Variants in FMN1 observed in about 807,000 individuals in gnomAD.
The protein encoded by FMN1 is formin 1.
A neutral mutation model predicts 132.4 loss-of-function variants in FMN1; 110 were observed. That is an observed-to-expected ratio of 0.83 (90% CI 0.71 to 0.97). FMN1 has a LOEUF of 0.97. Ranked by LOEUF, FMN1 falls within the 50% of genes least tolerant of loss-of-function variation. The probability of loss-of-function intolerance (pLI) is 0.00; values close to 1 mark genes in which losing one functional copy is unlikely to be tolerated. For missense variants in FMN1, 1,792 were observed against 1,705.3 expected, an observed-to-expected ratio of 1.05 and a Z score of -0.90; for synonymous variants, 722 against 651.7, an observed-to-expected ratio of 1.11 and a Z score of -1.64.
At chr15:33,116,385 G>C (rs1412673925) in intron 4 of FMN1, among the ~76,000 whole-genome samples, 2 of 152,136 alleles carry the variant, frequency 1.3e-5, no homozygotes, top group Non-Finnish European at 2.9e-5. Context: ...TGTTCAAACC[G>C]TGTTCAAATA....
At chr15:33,016,046 T>C (rs2035025915) in intron 6 of FMN1, among the ~76,000 whole-genome samples, 1 of 152,220 alleles carries the variant, frequency 6.6e-6, no homozygotes, top group Non-Finnish European at 1.5e-5. Context: ...ACCAAGTGAT[T>C]ATAATGCACA....
chr15:32,807,729 C>G (rs2057732219), intron 17 of FMN1, among the ~76,000 whole-genome samples: 1 of 152,110 alleles, frequency 6.6e-6, no homozygotes, highest in African/African-American at 2.4e-5. Context: ...GAAACAGAGT[C>G]TAAATGTAAA....
rs920650466 is a variant in FMN1, at chr15:33,088,952, G to C, written c.1890C>G (p.Pro630=). The C allele has an allele frequency of 6.5e-7, 1 of 1,535,676 alleles. No homozygotes were observed. The highest frequency in any genetic ancestry group is 1.4e-5 in the African/African-American group (1 of 73,000). ...GTGTCTGCTCATTGAAGCCGTCCCA[G>C]GGAAAGCCCTCAGAGGAGATACCTA... ...SPPGISSEGF[P]WDGFNEQTPK... The change falls in exon 5 of 21, where the codon CCC becomes CCG. Residue 630 remains proline (P), a synonymous_variant. Transcript: ENST00000616417.
chr15:32,842,820 C>T (rs915811052), intron 17 of FMN1, among the ~76,000 whole-genome samples: 7 of 149,462 alleles, frequency 4.7e-5, no homozygotes, highest in African/African-American at 1.7e-4. Flanking sequence ...GTAAGCTTCC[C>T]AAGCTCAGAA....
chr15:32,829,325 T>G (rs1339802844), intron 17 of FMN1, among the ~76,000 whole-genome samples: 1 of 152,254 alleles, frequency 6.6e-6, no homozygotes, highest in Non-Finnish European at 1.5e-5. Context: ...TCTGTCAACC[T>G]TACAGCTCTT....
At chr15:32,873,328 A>C (rs1315504824) in intron 16 of FMN1, among the ~76,000 whole-genome samples, 1 of 152,216 alleles carries the variant, frequency 6.6e-6, no homozygotes, top group African/African-American at 2.4e-5. Context: ...TATCAGAAAC[A>C]GTTTAGAGTG....
chr15:33,179,974 C>T (rs149990275), intron 3 of FMN1, among the ~76,000 whole-genome samples: 2 of 152,074 alleles, frequency 1.3e-5, no homozygotes, highest in South Asian at 2.1e-4. Context: ...AAATCAGGAG[C>T]GTAAATACTT....
At chr15:32,857,241 G>C (rs2059155032) in intron 16 of FMN1, 134 bp from the exon 17 acceptor site, 1 of 673,946 alleles carries the variant, frequency 1.5e-6, no homozygotes. Flanking sequence ...CCAAATTCCA[G>C]GATTGGGGGG....
At chr15:33,078,067 C>T (rs1437820897) in intron 5 of FMN1, among the ~76,000 whole-genome samples, 1 of 152,146 alleles carries the variant, frequency 6.6e-6, no homozygotes, top group East Asian at 1.9e-4. Context: ...GGCAATAAGG[C>T]TATGTCTTTG....
intron 6 of FMN1, among the ~76,000 whole-genome samples, chr15:33,045,393 C>T (rs963353506): frequency 1.3e-5 from 2 of 152,218 alleles, no homozygotes; most frequent in African/African-American, 4.8e-5. Flanking sequence ...GAGCAAAACT[C>T]AGGCAAAAGC....
intron 10 of FMN1, among the ~76,000 whole-genome samples, chr15:32,914,673 A>C (rs2060642158): frequency 6.6e-6 from 1 of 152,260 alleles, no homozygotes; most frequent in African/African-American, 2.4e-5. Context: ...AAGAGGTAGC[A>C]AAAACTTGAA....
chr15:32,978,856 C>G (rs962462917), intron 7 of FMN1, among the ~76,000 whole-genome samples: 1 of 152,096 alleles, frequency 6.6e-6, no homozygotes, highest in Non-Finnish European at 1.5e-5. Flanking sequence ...CTTACATACT[C>G]CCAACATTTA....
intron 9 of FMN1, among the ~76,000 whole-genome samples, chr15:32,961,023 A>C (rs2030469218): frequency 1.4e-5 from 2 of 144,468 alleles, no homozygotes; most frequent in Admixed American, 7.0e-5. Context: ...AAAAAAAGGC[A>C]GGGTTGATGG....
At chr15:33,131,847 G>A (rs1460444580) in intron 4 of FMN1, among the ~76,000 whole-genome samples, 1 of 152,188 alleles carries the variant, frequency 6.6e-6, no homozygotes, top group Non-Finnish European at 1.5e-5. Context: ...GCTATTAAAT[G>A]CTGTTTAAGT....
intron 9 of FMN1, among the ~76,000 whole-genome samples, chr15:32,933,225 T>C (rs977904223): frequency 2.6e-5 from 4 of 152,212 alleles, no homozygotes; most frequent in African/African-American, 4.8e-5. Flanking sequence ...TTTGGTTTCT[T>C]CTTTGACCCA....
intron 4 of FMN1, among the ~76,000 whole-genome samples, chr15:33,147,999 C>T (rs1175589816): frequency 6.6e-6 from 1 of 152,160 alleles, no homozygotes; most frequent in Non-Finnish European, 1.5e-5. Context: ...TTCTAATTCA[C>T]TTTCTCTTTG....
intron 13 of FMN1, among the ~76,000 whole-genome samples, chr15:32,901,512 T>A (rs924646508): frequency 6.6e-6 from 1 of 152,186 alleles, no homozygotes; most frequent in Admixed American, 6.5e-5. Flanking sequence ...GTCTCTAGGA[T>A]CCTCTTATTA....
At chr15:32,942,160 A>G (rs1012784935) in intron 9 of FMN1, among the ~76,000 whole-genome samples, 2 of 152,234 alleles carry the variant, frequency 1.3e-5, no homozygotes, top group Admixed American at 1.3e-4. Flanking sequence ...GACTCTCCCA[A>G]TGCCTTCCAG....
At chr15:33,096,000 CA>C (rs5811732) in intron 4 of FMN1, among the ~76,000 whole-genome samples, 28,540 of 130,552 alleles carry the variant, frequency 0.22, 4,108 homozygotes, top group East Asian at 0.63. Flanking sequence ...AGGTAAATAC[CA>C]AAAAAAAAAA....
Sources: gnomAD v4.1 joint callset for allele counts (sites outside exome capture counted in the v4.1 genomes callset) on GRCh38, gnomAD v4.1.1 for gene constraint, MANE v1.5 for transcripts, NCBI Gene and HGNC (gene_info 2026-07-23, HGNC 2026-07-21) for gene names.